Variants in LARGE1 observed in about 807,000 individuals in gnomAD.
LARGE1 encodes LARGE xylosyl- and glucuronyltransferase 1, also known as xylosyl- and glucuronyltransferase LARGE1.
Under a neutral mutation model 87.6 loss-of-function variants are expected in LARGE1, and 43 were observed. The observed-to-expected ratio is 0.49, with a 90% CI of 0.38 to 0.63. The LOEUF (loss-of-function observed/expected upper bound fraction) is 0.63. Among genes scored for constraint, LARGE1 ranks in the 30% least tolerant of loss-of-function variants. The pLI, the probability that LARGE1 is intolerant of heterozygous loss-of-function variation, is 0.00. For missense variants in LARGE1, 802 were observed against 1,000.2 expected, an observed-to-expected ratio of 0.80 and a Z score of 2.67; for synonymous variants, 434 against 394.6, an observed-to-expected ratio of 1.10 and a Z score of -1.18.
At chr22:33,606,970 C>G (rs1017366361) in intron 4 of LARGE1, among the ~76,000 whole-genome samples, 24 of 152,242 alleles carry the variant, frequency 1.6e-4, no homozygotes, top group African/African-American at 5.3e-4. Flanking sequence ...GTCTACACCC[C>G]CCATGTGAGC....
rs145439891 is a variant in LARGE1, at chr22:33,897,011, G to A, written c.-83+22984C>T. On this transcript the variant is annotated intron_variant, in intron 1 of 14. Transcript: ENST00000397394. ...AGTTGAAGCTGCTTTTCTGGTTATC[G>A]CCCCTGTCTCTCACTTCCTGGATTT... 3.6e-3 allele frequency among the ~76,000 whole-genome samples: 546 copies of A among 152,180 alleles called. 6 individuals are homozygous for A. The highest frequency in any genetic ancestry group is 0.012 in the African/African-American group (504 of 41,496).
chr22:33,629,329 A>G (rs1217969928), intron 3 of LARGE1, among the ~76,000 whole-genome samples: 1 of 152,180 alleles, frequency 6.6e-6, no homozygotes, highest in East Asian at 1.9e-4. Flanking sequence ...AGCCTCAGAG[A>G]TATCAAACTT....
At chr22:33,098,904 C>T in the LARGE1 span, among the ~76,000 whole-genome samples, 3 of 152,302 alleles carry the variant, frequency 2.0e-5, no homozygotes, top group African/African-American at 7.2e-5. Flanking sequence ...CATATGCTTA[C>T]CTTCCCACAG....
intron 4 of LARGE1, among the ~76,000 whole-genome samples, chr22:33,624,479 A>G (rs889825306): frequency 6.6e-6 from 1 of 152,190 alleles, no homozygotes; most frequent in African/African-American, 2.4e-5. Context: ...TTAAAGGCTA[A>G]GAGGGAGTTT....
chr22:33,202,586 A>T (rs1352173793), intron 11 of LARGE1, among the ~76,000 whole-genome samples: 8 of 152,212 alleles, frequency 5.3e-5, no homozygotes, highest in Non-Finnish European at 1.2e-4. Flanking sequence ...GGTGTCTGAG[A>T]ACTAAATAAC....
intron 1 of LARGE1, among the ~76,000 whole-genome samples, chr22:33,867,924 C>G (rs967184484): frequency 6.6e-6 from 1 of 152,064 alleles, no homozygotes; most frequent in Non-Finnish European, 1.5e-5. Context: ...CACTATCTAT[C>G]GGGGCCACCT....
exon 12 of LARGE1, chr22:33,163,691 G>A (rs987641): frequency 9.2e-5 from 14 of 152,230 alleles, no homozygotes; most frequent in Non-Finnish European, 1.5e-4. Flanking sequence ...ATGGAGAGGT[G>A]ATGCTGGAGA....
Position 33,273,162 on chromosome 22 carries a change from G to T in LARGE1, c.*1265C>A, listed in dbSNP as rs1928482484. 1 of 366,260 alleles carries T rather than the reference G, an allele frequency of 2.7e-6. No individual in the cohort carries two copies. The highest frequency in any genetic ancestry group is 1.5e-4 in the South Asian group (1 of 6,704). The allele number at this position is 366,260 out of a possible 1,614,324, so 22.7% of individuals were successfully genotyped here. A position where few individuals can be genotyped will look rare whatever the true frequency, so the allele number is the denominator to read the frequency against. On this transcript the variant is annotated 3_prime_UTR_variant, in exon 15 of 15. Coordinates refer to ENST00000397394, the MANE Select transcript of LARGE1 (RefSeq NM_133642.5). ...CTCAATACAAACAGCCCAGCAGAGG[G>T]TAGGGCATTAACTCTTGTTCTCATC...
At chr22:33,384,081 G>C (rs1183575414) in intron 8 of LARGE1, 111 bp downstream of exon 8, 4 of 826,384 alleles carry the variant, frequency 4.8e-6, no homozygotes, top group Non-Finnish European at 6.4e-6. Context: ...AGAGCACACA[G>C]AGTCACACAA....
chr22:33,150,023 G>A, the LARGE1 span, among the ~76,000 whole-genome samples: 1 of 152,140 alleles, frequency 6.6e-6, no homozygotes, highest in African/African-American at 2.4e-5. Context: ...CCATAGACAG[G>A]TTTTTAAAAA....
intron 2 of LARGE1, among the ~76,000 whole-genome samples, chr22:33,716,161 T>A (rs891147484): frequency 1.6e-4 from 24 of 152,126 alleles, no homozygotes; most frequent in African/African-American, 5.3e-4. Flanking sequence ...GACTCCTATA[T>A]CCTCAGGTTG....
At position 33,455,757 on chromosome 22, in the gene LARGE1, C is replaced by CAAAAAAA. The variant is rs35353034; in HGVS notation, c.788-23499_788-23493dup. On this transcript the variant is annotated intron_variant, in intron 6 of 14. Transcript: ENST00000397394. ...CGACTGAGTGAAACTCTGTCTCAGC[C>CAAAAAAA]AAAAAAAAAAAAAAAAAAAAAAATT... 3.6e-4 allele frequency among the ~76,000 whole-genome samples: 23 copies of CAAAAAAA among 64,242 alleles called. 1 individual carries two copies. The highest frequency in any genetic ancestry group is 1.3e-3 in the African/African-American group (20 of 15,848). The allele number at this position is 64,242 out of a possible 152,430, so 42.1% of individuals were successfully genotyped here.
chr22:33,458,460 T>C (rs1039236288), intron 6 of LARGE1, among the ~76,000 whole-genome samples: 3 of 146,792 alleles, frequency 2.0e-5, no homozygotes, highest in African/African-American at 7.6e-5. Context: ...AGACAGAGTT[T>C]TGCTCTTGTT....
intron 2 of LARGE1, among the ~76,000 whole-genome samples, chr22:33,707,247 G>A (rs573529606): frequency 3.3e-5 from 5 of 152,316 alleles, no homozygotes; most frequent in East Asian, 1.9e-4. Flanking sequence ...GAGAGCTCCC[G>A]GGGCCACACC....
intron 1 of LARGE1, among the ~76,000 whole-genome samples, chr22:33,777,285 T>C (rs1420082744): frequency 1.3e-5 from 2 of 152,062 alleles, no homozygotes; most frequent in Non-Finnish European, 2.9e-5. Flanking sequence ...TGAACTTCCT[T>C]CCACAGTCCC....
intron 7 of LARGE1, among the ~76,000 whole-genome samples, chr22:33,405,541 CT>C: frequency 6.6e-6 from 1 of 152,154 alleles, no homozygotes; most frequent in South Asian, 2.1e-4. Context: ...TTTCTTCCTT[CT>C]TTTCCTTTTT....
At chr22:33,649,123 T>G (rs1166557914) in intron 3 of LARGE1, among the ~76,000 whole-genome samples, 1 of 152,214 alleles carries the variant, frequency 6.6e-6, no homozygotes, top group Non-Finnish European at 1.5e-5. Context: ...TCGGATGCTC[T>G]CTACCTCTCC....
chr22:33,136,179 A>G, the LARGE1 span, among the ~76,000 whole-genome samples: 3 of 152,342 alleles, frequency 2.0e-5, no homozygotes, highest in Admixed American at 6.5e-5. Context: ...AAATGATGCT[A>G]TGCCAACTGT....
the LARGE1 span, among the ~76,000 whole-genome samples, chr22:33,087,489 G>A: frequency 2.3e-4 from 35 of 152,168 alleles, no homozygotes; most frequent in Admixed American, 1.6e-3. Context: ...GAAGCAACAT[G>A]TGTACCCAAA....
Sources: allele counts gnomAD v4.1 joint callset (sites outside exome capture counted in the v4.1 genomes callset), GRCh38; gene constraint gnomAD v4.1.1; transcripts MANE v1.5; gene names NCBI Gene and HGNC (gene_info 2026-07-23, HGNC 2026-07-21).